ELP4: variants seen among roughly 807,000 people sequenced by gnomAD.
ELP4 encodes the protein elongator complex protein 4.
A neutral mutation model predicts 48.9 loss-of-function variants in ELP4; 51 were observed. That is an observed-to-expected ratio of 1.04 (90% confidence interval 0.83 to 1.32). The LOEUF (loss-of-function observed/expected upper bound fraction) is 1.32. ELP4 is among the 40% of genes most tolerant of loss of function. ELP4 has a pLI of 0.00. For synonymous variants in ELP4, 210 were observed against 189.2 expected (o/e 1.11, Z -0.90); for missense variants, 519 against 514.6 (o/e 1.01, Z -0.08).
intron 3 of ELP4, among the ~76,000 whole-genome samples, chr11:31,563,755 A>G (rs1177906203): frequency 6.6e-6 from 1 of 152,080 alleles, no homozygotes; most frequent in Non-Finnish European, 1.5e-5. Flanking sequence ...TTATTTATTC[A>G]TGACCCTTGA....
chr11:31,745,945 T>C (rs1336510982), intron 9 of ELP4, among the ~76,000 whole-genome samples: 3 of 151,994 alleles, frequency 2.0e-5, no homozygotes, highest in Middle Eastern at 6.9e-3. Context: ...ACCATCAGAG[T>C]GAACAGGCAA....
chr11:31,781,488 C>CTTTTTT (rs141365629), intron 9 of ELP4, among the ~76,000 whole-genome samples: 2 of 67,438 alleles, frequency 3.0e-5, no homozygotes, highest in Non-Finnish European at 5.0e-5. Flanking sequence ...ATTCCTGAGC[C>CTTTTTT]TTTTTTTTTT....
At chr11:31,623,152 A>G (rs1944656893) in intron 5 of ELP4, among the ~76,000 whole-genome samples, 1 of 150,644 alleles carries the variant, frequency 6.6e-6, no homozygotes, top group African/African-American at 2.4e-5. Flanking sequence ...ATAATTTGAT[A>G]ACGTAATCTT....
intron 4 of ELP4, 132 bp from the exon 5 acceptor site, chr11:31,603,636 A>T (rs1957820067): frequency 1.4e-6 from 1 of 702,416 alleles, no homozygotes; most frequent in Non-Finnish European, 2.2e-6. Context: ...AAATTTACTT[A>T]GTGTATGTAT....
At chr11:31,702,707 C>G (rs1424995297) in intron 9 of ELP4, among the ~76,000 whole-genome samples, 1 of 152,002 alleles carries the variant, frequency 6.6e-6, no homozygotes, top group Admixed American at 6.6e-5. Context: ...GTTAGTTTTA[C>G]TGTGTTAGGT....
intron 9 of ELP4, among the ~76,000 whole-genome samples, chr11:31,686,470 G>A (rs1946163845): frequency 6.6e-6 from 1 of 152,068 alleles, no homozygotes; most frequent in African/African-American, 2.4e-5. Flanking sequence ...GAAGCCCTCT[G>A]AGAGAGGCAG....
chr11:31,700,974 C>T (rs1946510331), intron 9 of ELP4, among the ~76,000 whole-genome samples: 1 of 152,032 alleles, frequency 6.6e-6, no homozygotes, highest in Admixed American at 6.6e-5. Context: ...TTCTCTTATC[C>T]TGTAAGATTT....
chr11:31,775,338 C>T (rs1183185103), intron 9 of ELP4, among the ~76,000 whole-genome samples: 1 of 152,164 alleles, frequency 6.6e-6, no homozygotes, highest in East Asian at 1.9e-4. Flanking sequence ...GGCACATTCA[C>T]ACATGTTTGT....
At chr11:31,749,779 A>G (rs903676074) in intron 9 of ELP4, among the ~76,000 whole-genome samples, 15 of 152,180 alleles carry the variant, frequency 9.9e-5, no homozygotes, top group African/African-American at 2.9e-4. Flanking sequence ...ATAAAACTAA[A>G]TAGATGCATT....
At chr11:31,547,906 T>G (rs1956764010) in intron 3 of ELP4, among the ~76,000 whole-genome samples, 1 of 152,204 alleles carries the variant, frequency 6.6e-6, no homozygotes, top group Admixed American at 6.5e-5. Flanking sequence ...TCTCAATAGA[T>G]GCAGAAAAGG....
At chr11:31,510,271 A>C in intron 1 of ELP4, 1 of 557,504 alleles carries the variant, frequency 1.8e-6, no homozygotes, top group South Asian at 2.5e-5. Flanking sequence ...GAATTCGTAC[A>C]TGCTTTTTAC....
chr11:31,530,654 T>C (rs1422418489), intron 2 of ELP4, among the ~76,000 whole-genome samples: 1 of 152,162 alleles, frequency 6.6e-6, no homozygotes, highest in Admixed American at 6.5e-5. Flanking sequence ...CACTAGGCTT[T>C]GTTCCACCCC....
intron 9 of ELP4, among the ~76,000 whole-genome samples, chr11:31,777,394 G>A (rs911543443): frequency 1.3e-5 from 2 of 152,094 alleles, no homozygotes; most frequent in Non-Finnish European, 2.9e-5. Flanking sequence ...TGGACTAGTG[G>A]GGTCATCAGG....
intron 9 of ELP4, among the ~76,000 whole-genome samples, chr11:31,778,135 G>T (rs576293313): frequency 4.6e-5 from 7 of 152,308 alleles, no homozygotes; most frequent in African/African-American, 1.7e-4. Context: ...CAGCAGTGAA[G>T]ACATGTGCAA....
At chr11:31,558,625 C>T (rs1007216096) in intron 3 of ELP4, among the ~76,000 whole-genome samples, 5 of 152,158 alleles carry the variant, frequency 3.3e-5, no homozygotes, top group African/African-American at 9.7e-5. Context: ...CTGCAAGACC[C>T]TGCCTAAGTC....
chr11:31,698,819 G>A (rs937713509), intron 9 of ELP4, among the ~76,000 whole-genome samples: 4 of 152,126 alleles, frequency 2.6e-5, no homozygotes, highest in South Asian at 4.1e-4. Flanking sequence ...GGAGGTGATT[G>A]CTGTATGAAG....
chr11:31,725,117 T>C (rs975329500), intron 9 of ELP4, among the ~76,000 whole-genome samples: 2 of 152,240 alleles, frequency 1.3e-5, no homozygotes, highest in African/African-American at 2.4e-5. Context: ...CTGTTCATTA[T>C]GACTGCTTCT....
intron 3 of ELP4, among the ~76,000 whole-genome samples, chr11:31,561,720 T>G (rs766281649): frequency 6.6e-6 from 1 of 152,132 alleles, no homozygotes; most frequent in African/African-American, 2.4e-5. Context: ...CAAGGATTGC[T>G]GGTGTGAGCC....
At chr11:31,558,392 C>G (rs1956961867) in intron 3 of ELP4, among the ~76,000 whole-genome samples, 1 of 152,152 alleles carries the variant, frequency 6.6e-6, no homozygotes, top group South Asian at 2.1e-4. Flanking sequence ...CTCTCCAACT[C>G]TCTATCACTA....
Sources: allele counts gnomAD v4.1 joint callset (sites outside exome capture counted in the v4.1 genomes callset), GRCh38; gene constraint gnomAD v4.1.1; transcripts MANE v1.5; gene names NCBI Gene and HGNC (gene_info 2026-07-23, HGNC 2026-07-21).